Variants in SDK2 observed in about 807,000 individuals in gnomAD.
SDK2 encodes the protein sidekick cell adhesion molecule 2, also known as protein sidekick-2.
A neutral mutation model predicts 253.9 loss-of-function variants in SDK2; 105 were observed. That is an observed-to-expected ratio of 0.41 (90% confidence interval 0.35 to 0.49). The LOEUF is 0.49. Among genes scored for constraint, SDK2 ranks in the 20% least tolerant of loss-of-function variants. The pLI is 0.06. For synonymous variants in SDK2, 1,249 were observed against 1,234.9 expected (o/e 1.01, Z -0.24); for missense variants, 2,608 against 3,003.0 (o/e 0.87, Z 3.07).
chr17:73,464,546 C>T (rs919593327), intron 3 of SDK2, among the ~76,000 whole-genome samples: 3 of 152,232 alleles, frequency 2.0e-5, no homozygotes, highest in Non-Finnish European at 2.9e-5. Context: ...GCTTAGAATG[C>T]CGGGATCTGT....
rs754904744 is a variant in SDK2 at position 73,354,916 on chromosome 17, G to A, written c.5594-2279C>T. On this transcript the variant is annotated intron_variant, in intron 40 of 44. Transcript: ENST00000392650. ...ACCATACTTTCTCATAGACCCAGCC[G>A]TGTAAGTCGAGCACTGCAGCAGAGG... Among the ~76,000 whole-genome samples the A allele has an allele frequency of 5.9e-4, 90 of 151,894 alleles. 1 individual carries two copies. The highest frequency in any genetic ancestry group is 1.1e-3 in the Admixed American group (17 of 15,242).
intron 3 of SDK2, among the ~76,000 whole-genome samples, chr17:73,462,599 T>C (rs560362971): frequency 6.6e-6 from 1 of 152,270 alleles, no homozygotes; most frequent in Admixed American, 6.5e-5. Context: ...TATGCATGTT[T>C]ACATATATGT....
chr17:73,634,643 A>C (rs903942505), intron 1 of SDK2, among the ~76,000 whole-genome samples: 3 of 152,212 alleles, frequency 2.0e-5, no homozygotes, highest in African/African-American at 7.2e-5. Flanking sequence ...TAACAGCAGA[A>C]GTTTAGATGC....
chr17:73,617,112 G>A (rs2046068208), intron 1 of SDK2, among the ~76,000 whole-genome samples: 1 of 152,080 alleles, frequency 6.6e-6, no homozygotes, highest in Non-Finnish European at 1.5e-5. Context: ...GAAGGTGAAG[G>A]GCTGTAGAGG....
chr17:73,532,003 G>C (rs919452666), intron 1 of SDK2, among the ~76,000 whole-genome samples: 3 of 152,150 alleles, frequency 2.0e-5, no homozygotes, highest in African/African-American at 7.2e-5. Flanking sequence ...GCATTACAAT[G>C]ATCTCTATGC....
At position 73,340,734 on chromosome 17, in the gene SDK2, G is replaced by GTTTTTTT. The variant is rs10638504; in HGVS notation, c.6166-1801_6166-1795dup. Among the ~76,000 whole-genome samples, 149 of 77,558 alleles carry GTTTTTTT rather than the reference G, an allele frequency of 1.9e-3. 27 individuals are homozygous for GTTTTTTT. Among genetic ancestry groups the GTTTTTTT allele is most frequent in the East Asian group, 3.4e-3 (7 of 2,064 alleles). 50.9% of individuals were successfully genotyped at this position (77,558 alleles called of 152,430 possible). A position where few individuals can be genotyped will look rare whatever the true frequency, so the allele number is the denominator to read the frequency against. ...ATTTTCATGTAATGAAAACCTTAAA[G>GTTTTTTT]TTTTTTTTTTTTTTTTTTTTTTTTT... On this transcript the variant is annotated intron_variant, in intron 44 of 44. Transcript: ENST00000392650.
chr17:73,615,891 A>G lies in SDK2; in HGVS notation c.64+28134T>C, dbSNP rs117013104. Reference sequence around the variant, plus strand: ...TACACACAACCACATGTGCATTCACACATACATATATGTACACACAGTCAC... The same window carrying G: ...TACACACAACCACATGTGCATTCACGCATACATATATGTACACACAGTCAC... On this transcript the variant is annotated intron_variant, in intron 1 of 44. Transcript: ENST00000392650. Among the ~76,000 whole-genome samples the G allele has an allele frequency of 1.1e-3, 170 of 152,350 alleles. 6 individuals carry two copies. The East Asian group carries it at 0.03, about 27-fold the overall frequency.
chr17:73,485,337 A>C (rs1365647270), intron 2 of SDK2, among the ~76,000 whole-genome samples: 1 of 152,144 alleles, frequency 6.6e-6, no homozygotes. Flanking sequence ...AGGGGAAGGC[A>C]AGGATGGTTG....
chr17:73,535,172 G>A lies in SDK2; in HGVS notation c.65-27575C>T, dbSNP rs112725337. ...TCATCCATGTGTGAGGACAGCAGGG[G>A]GCTGCCCTCTCTTGTGAATAGGCTG... is the stretch of plus-strand genomic sequence containing the variant. On this transcript the variant is annotated intron_variant, in intron 1 of 44. Coordinates refer to ENST00000392650, the MANE Select transcript of SDK2 (RefSeq NM_001144952.2). 4.6e-3 allele frequency among the ~76,000 whole-genome samples: 696 copies of A among 152,308 alleles called. 6 individuals carry two copies. The highest frequency in any genetic ancestry group is 0.016 in the African/African-American group (662 of 41,554).
At position 73,369,221 on chromosome 17, in the gene SDK2, A is replaced by T; in HGVS notation, c.4981-628T>A. The T allele has an allele frequency of 3.4e-5, 16 of 468,090 alleles. No homozygotes were observed. The Middle Eastern group carries it at 1.0e-3, about 29-fold the overall frequency. 29.0% of individuals were successfully genotyped at this position (468,090 alleles called of 1,614,324 possible). A position where few individuals can be genotyped will look rare whatever the true frequency, so the allele number is the denominator to read the frequency against. On this transcript the variant is annotated intron_variant, in intron 36 of 44. Coordinates refer to ENST00000392650, the MANE Select transcript of SDK2 (RefSeq NM_001144952.2). ...TGGAGGAATAAAGCAAATCCGTCCT[A>T]CGGGAGGCTGAGCTGGGGAGATAAG...
chr17:73,505,339 G>A (rs1169760493), intron 2 of SDK2, among the ~76,000 whole-genome samples: 1 of 152,194 alleles, frequency 6.6e-6, no homozygotes, highest in Non-Finnish European at 1.5e-5. Context: ...GTGTTTATCT[G>A]TAAAATGGGG....
chr17:73,433,689 GGCTATCACCCA>G, intron 10 of SDK2, 32 bp downstream of exon 10: 1 of 1,444,558 alleles, frequency 6.9e-7, no homozygotes, highest in Non-Finnish European at 9.5e-7. Context: ...GACTCTTCTA[GGCTATCACCCA>G]GCCACACTCT....
At chr17:73,595,265 G>A (rs1319271565) in intron 1 of SDK2, among the ~76,000 whole-genome samples, 1 of 152,160 alleles carries the variant, frequency 6.6e-6, no homozygotes, top group Non-Finnish European at 1.5e-5. Flanking sequence ...GCAGGCCTGG[G>A]GGAGAGCGTG....
chr17:73,522,734 C>A (rs765816441), intron 1 of SDK2, among the ~76,000 whole-genome samples: 7 of 152,350 alleles, frequency 4.6e-5, no homozygotes, highest in African/African-American at 1.2e-4. Context: ...TCTGGAGGAA[C>A]CTGGGGCCAG....
chr17:73,462,147 AGTT>A (rs923214798), intron 3 of SDK2, among the ~76,000 whole-genome samples: 14 of 151,678 alleles, frequency 9.2e-5, no homozygotes, highest in Non-Finnish European at 1.8e-4. Context: ...TGGGATGTAT[AGTT>A]GTATGTATGT....
intron 1 of SDK2, among the ~76,000 whole-genome samples, chr17:73,508,531 C>T (rs957865657): frequency 1.3e-5 from 2 of 152,124 alleles, no homozygotes; most frequent in Admixed American, 1.3e-4. Flanking sequence ...TGGGGCCGGG[C>T]GGCAGGAGCC....
At chr17:73,490,401 T>A (rs1045093631) in intron 2 of SDK2, among the ~76,000 whole-genome samples, 5 of 152,210 alleles carry the variant, frequency 3.3e-5, no homozygotes, top group Admixed American at 3.3e-4. Context: ...GAAGGAGGGT[T>A]TTTGATTGGG....
At chr17:73,413,258 T>A (rs1208370437) in intron 18 of SDK2, among the ~76,000 whole-genome samples, 1 of 151,704 alleles carries the variant, frequency 6.6e-6, no homozygotes, top group Non-Finnish European at 1.5e-5. Context: ...GTACTCCTTA[T>A]GAGAATCTAA....
intron 44 of SDK2, among the ~76,000 whole-genome samples, chr17:73,346,170 C>G (rs771245048): frequency 9.0e-4 from 135 of 149,844 alleles, no homozygotes; most frequent in Non-Finnish European, 5.8e-4. Context: ...CGCGCACCAT[C>G]ATACTCCAGC....
Sources: gnomAD v4.1 joint callset for allele counts (sites outside exome capture counted in the v4.1 genomes callset) on GRCh38, gnomAD v4.1.1 for gene constraint, MANE v1.5 for transcripts, NCBI Gene and HGNC (gene_info 2026-07-23, HGNC 2026-07-21) for gene names.